SYNE1: variants seen among roughly 807,000 people sequenced by gnomAD.
The protein encoded by SYNE1 is spectrin repeat containing nuclear envelope protein 1, also known as nesprin-1.
In SYNE1, 616 loss-of-function variants were observed where a neutral mutation model predicts 1,111.0. That is an observed-to-expected ratio of 0.55 (90% CI 0.52 to 0.59). The LOEUF (loss-of-function observed/expected upper bound fraction) is 0.59, where lower values mean the gene tolerates loss of function less well. Among genes scored for constraint, SYNE1 ranks in the 20% least tolerant of loss-of-function variants. The probability of loss-of-function intolerance (pLI) is 0.00; values close to 1 mark genes in which losing one functional copy is unlikely to be tolerated. For synonymous variants in SYNE1, 3,855 were observed against 3,825.8 expected, an observed-to-expected ratio of 1.01 and a Z score of -0.28; for missense variants, 10,006 against 10,417.0, an observed-to-expected ratio of 0.96 and a Z score of 1.72.
rs1167611029 is a variant in SYNE1, at chr6:152,164,027, C to T, written c.23790+136G>A. ...CCTCAATCGCCTGCCTAGGCAAAGC[C>T]CCCTTCCTCACCAGTCCTGCCTAGC... On this transcript the variant is annotated intron_variant, in intron 131 of 145. Coordinates refer to ENST00000367255, the MANE Select transcript of SYNE1 (RefSeq NM_182961.4). The T allele has an allele frequency of 3.3e-6, 4 of 1,202,482 alleles. No homozygotes were observed. The Admixed American group carries it at 5.2e-5, about 16-fold the overall frequency. 74.5% of individuals were successfully genotyped at this position (1,202,482 alleles called of 1,614,324 possible).
Position 152,324,595 on chromosome 6 carries a change from A to C in SYNE1, c.15657+489T>G, listed in dbSNP as rs182679698. On this transcript the variant is annotated intron_variant, in intron 81 of 145. Coordinates refer to ENST00000367255, the MANE Select transcript of SYNE1 (RefSeq NM_182961.4). ...GGATCACGAGGTCAGGAGATTGAGA[A>C]CATCCTGGCTAACGAGGTGAAACCT... Among the ~76,000 whole-genome samples the C allele has an allele frequency of 3.8e-3, 582 of 152,096 alleles. 1 individual carries two copies. The highest frequency in any genetic ancestry group is 7.1e-3 in the Non-Finnish European group (484 of 67,992).
In SYNE1 at chr6:152,502,607, G is replaced by A. The variant is rs369458471; in HGVS notation, c.888+26C>T. On this transcript the variant is annotated intron_variant, in intron 10 of 145. Transcript: ENST00000367255. ...AGTCACTGTCATTGCATATACCAGT[G>A]ATACTTGAAGAAAGCAAATACCTAC... 8 of 1,535,196 alleles carry A rather than the reference G, an allele frequency of 5.2e-6. No individual in the cohort carries two copies. In the African/African-American group the frequency reaches 1.1e-4, roughly 21 times the overall value.
intron 144 of SYNE1, among the ~76,000 whole-genome samples, chr6:152,131,478 T>C (rs765294199): frequency 7.4e-4 from 112 of 151,576 alleles, no homozygotes; most frequent in Non-Finnish European, 1.5e-3. Context: ...AAAAAATATA[T>C]AACAAAACAA....
chr6:152,350,978 G>T (rs913157775), intron 70 of SYNE1, among the ~76,000 whole-genome samples: 3 of 152,098 alleles, frequency 2.0e-5, no homozygotes, highest in Non-Finnish European at 4.4e-5. Context: ...ACATCAAATG[G>T]CCCTTCCTAT....
At chr6:152,541,392 T>C (rs2099268818) in intron 3 of SYNE1, among the ~76,000 whole-genome samples, 1 of 152,184 alleles carries the variant, frequency 6.6e-6, no homozygotes, top group African/African-American at 2.4e-5. Flanking sequence ...TGTGTGTGAC[T>C]ATTGTAAATG....
At chr6:152,627,588 T>G (rs1419058542) in intron 3 of SYNE1, among the ~76,000 whole-genome samples, 1 of 151,782 alleles carries the variant, frequency 6.6e-6, no homozygotes, top group Non-Finnish European at 1.5e-5. Flanking sequence ...AACAGGGAGA[T>G]GGAGGTTGGA....
At chr6:152,354,570 T>C in intron 67 of SYNE1, 89 bp downstream of exon 67, 1 of 1,528,968 alleles carries the variant, frequency 6.5e-7, no homozygotes, top group East Asian at 2.3e-5. Context: ...GCCTAAGCTT[T>C]GGATAAAAGT....
intron 3 of SYNE1, among the ~76,000 whole-genome samples, chr6:152,553,117 A>G (rs11155859): frequency 0.44 from 67,279 of 151,966 alleles, 15,305 homozygotes; most frequent in Admixed American, 0.51. Context: ...ACCGTATGAG[A>G]AAATATCCTC....
chr6:152,463,952 A>G (rs962669352), intron 18 of SYNE1, among the ~76,000 whole-genome samples: 10 of 152,154 alleles, frequency 6.6e-5, no homozygotes, highest in Non-Finnish European at 1.3e-4. Flanking sequence ...ATTTTGTTAC[A>G]TGCATAGATT....
chr6:152,370,863 A>G (rs1053434401), intron 59 of SYNE1, among the ~76,000 whole-genome samples: 1 of 152,218 alleles, frequency 6.6e-6, no homozygotes, highest in Non-Finnish European at 1.5e-5. Flanking sequence ...GGAAAATCAC[A>G]TCTGCCTTAC....
chr6:152,296,792 T>C (rs2094902050), intron 93 of SYNE1, among the ~76,000 whole-genome samples: 1 of 152,224 alleles, frequency 6.6e-6, no homozygotes, highest in Non-Finnish European at 1.5e-5. Flanking sequence ...CCCTGTGTCT[T>C]TGTTAAAGTA....
intron 20 of SYNE1, chr6:152,462,535 T>C (rs1263379977): frequency 1.6e-6 from 1 of 623,432 alleles, no homozygotes; most frequent in Non-Finnish European, 2.8e-6. Flanking sequence ...TGAGAAACAA[T>C]TTGAAGTTAC....
At position 152,395,688 on chromosome 6, in the gene SYNE1, G is replaced by A; in HGVS notation, c.7557-17C>T. On this transcript the variant is annotated splice_polypyrimidine_tract_variant and intron_variant, in intron 50 of 145. Coordinates refer to ENST00000367255, the MANE Select transcript of SYNE1 (RefSeq NM_182961.4). ...TCTTCAAAGCTAAGGGAAAGAAAAT[G>A]CCTTAGAGAAATTCTTACATGCTTG... 6.2e-7 allele frequency: 1 copy of A among 1,613,660 alleles called. No homozygotes were observed. Among genetic ancestry groups the A allele is most frequent in the Non-Finnish European group, 8.5e-7 (1 of 1,179,696 alleles).
chr6:152,278,323 G>C (rs1228832284), intron 97 of SYNE1, 43 bp from the exon 98 acceptor site: 5 of 1,605,120 alleles, frequency 3.1e-6, no homozygotes, highest in Non-Finnish European at 4.3e-6. Flanking sequence ...CATCTCCCCA[G>C]CCTCTGCAAA....
chr6:152,562,700 T>C (rs1309620404), intron 3 of SYNE1, among the ~76,000 whole-genome samples: 1 of 152,178 alleles, frequency 6.6e-6, no homozygotes, highest in African/African-American at 2.4e-5. Context: ...ATACCTAATG[T>C]AGATGATGGG....
At chr6:152,196,506 A>G (rs2074155171) in intron 127 of SYNE1, among the ~76,000 whole-genome samples, 1 of 151,936 alleles carries the variant, frequency 6.6e-6, no homozygotes, top group African/African-American at 2.4e-5. Flanking sequence ...GATAGGTCTT[A>G]CCAGGACTAG....
At chr6:152,570,142 A>G (rs1382250419) in intron 3 of SYNE1, among the ~76,000 whole-genome samples, 2 of 152,252 alleles carry the variant, frequency 1.3e-5, no homozygotes, top group Non-Finnish European at 2.9e-5. Flanking sequence ...ATAACTAAAT[A>G]GATCATTATG....
intron 143 of SYNE1, 84 bp downstream of exon 143, chr6:152,133,191 TA>T: frequency 7.9e-7 from 1 of 1,264,210 alleles, no homozygotes; most frequent in Non-Finnish European, 1.2e-6. Context: ...GTACTATATT[TA>T]AAGTCTTTCT....
intron 104 of SYNE1, among the ~76,000 whole-genome samples, chr6:152,252,870 G>A (rs555572244): frequency 2.0e-5 from 3 of 152,286 alleles, no homozygotes; most frequent in Admixed American, 2.0e-4. Context: ...TTAAAACAAA[G>A]TAAGTTCCAG....
Sources: gnomAD v4.1 joint callset for allele counts (sites outside exome capture counted in the v4.1 genomes callset) on GRCh38, gnomAD v4.1.1 for gene constraint, MANE v1.5 for transcripts, NCBI Gene and HGNC (gene_info 2026-07-23, HGNC 2026-07-21) for gene names.